PTPRT: variants seen among roughly 807,000 people sequenced by gnomAD.
PTPRT encodes the protein receptor-type tyrosine-protein phosphatase T.
Under a neutral mutation model 176.8 loss-of-function variants are expected in PTPRT, and 56 were observed. The ratio of observed to expected loss-of-function variants is 0.32; its 90% confidence interval spans 0.26 to 0.40. PTPRT has a LOEUF of 0.40. PTPRT is among the 10% of genes least tolerant of loss of function. The pLI is 1.00. For missense variants in PTPRT, 1,540 were observed against 1,908.2 expected, an observed-to-expected ratio of 0.81 and a Z score of 3.60; for synonymous variants, 783 against 739.0, an observed-to-expected ratio of 1.06 and a Z score of -0.96.
At chr20:42,326,074 C>T (rs1568776852) in intron 11 of PTPRT, among the ~76,000 whole-genome samples, 1 of 152,196 alleles carries the variant, frequency 6.6e-6, no homozygotes, top group East Asian at 1.9e-4. Context: ...CACTTTCCCT[C>T]TTAATTTTTA....
At chr20:42,967,005 G>A (rs1287896574) in intron 1 of PTPRT, among the ~76,000 whole-genome samples, 1 of 152,154 alleles carries the variant, frequency 6.6e-6, no homozygotes, top group Admixed American at 6.5e-5. Flanking sequence ...CATTTGGTCT[G>A]GTATTATCTA....
intron 1 of PTPRT, among the ~76,000 whole-genome samples, chr20:42,916,582 C>T (rs1224161279): frequency 6.6e-6 from 1 of 152,208 alleles, no homozygotes; most frequent in Non-Finnish European, 1.5e-5. Flanking sequence ...GTCCCACCAA[C>T]AGTGTAAAAG....
intron 15 of PTPRT, among the ~76,000 whole-genome samples, chr20:42,201,652 T>C (rs4425144): frequency 0.61 from 90,548 of 148,462 alleles, 27,874 homozygotes; most frequent in African/African-American, 0.72. Context: ...GAAAAGGAGG[T>C]ACCCTGAACA....
chr20:42,382,741 C>A (rs574772883), intron 9 of PTPRT, among the ~76,000 whole-genome samples: 4 of 152,234 alleles, frequency 2.6e-5, no homozygotes, highest in Admixed American at 2.6e-4. Context: ...GCTGTCATGG[C>A]ATGGAGAACC....
chr20:42,653,119 C>T (rs1236719820), intron 7 of PTPRT, among the ~76,000 whole-genome samples: 1 of 152,146 alleles, frequency 6.6e-6, no homozygotes, highest in African/African-American at 2.4e-5. Context: ...GGTTATTGAA[C>T]CATAGAGGCG....
chr20:42,113,414 G>C (rs1004753), intron 22 of PTPRT, among the ~76,000 whole-genome samples: 26,167 of 152,134 alleles, frequency 0.17, 3,669 homozygotes, highest in African/African-American at 0.36. Flanking sequence ...TTCCAGGCCT[G>C]AGCTGCAGGG....
intron 7 of PTPRT, among the ~76,000 whole-genome samples, chr20:42,564,448 C>T (rs2073005913): frequency 6.6e-6 from 1 of 152,110 alleles, no homozygotes; most frequent in Non-Finnish European, 1.5e-5. Context: ...AACAATACAA[C>T]AGTAAAATAC....
At chr20:42,713,835 T>C (rs1352947936) in intron 6 of PTPRT, among the ~76,000 whole-genome samples, 1 of 152,130 alleles carries the variant, frequency 6.6e-6, no homozygotes, top group Non-Finnish European at 1.5e-5. Flanking sequence ...CCCCTCTCTC[T>C]TCCTCCAGTT....
chr20:42,168,660 A>C (rs1030888408), intron 16 of PTPRT, among the ~76,000 whole-genome samples: 1 of 152,190 alleles, frequency 6.6e-6, no homozygotes, highest in African/African-American at 2.4e-5. Flanking sequence ...ATTCAACATA[A>C]TCTCTCAATT....
At position 42,577,154 on chromosome 20, in the gene PTPRT, A is replaced by C. The variant is rs182446977; in HGVS notation, c.1153+100712T>G. ...GAGGCAGTTAAAAATAAAAGTAGAT[A>C]GGTCAGGTTAATGTCAACAATCGCT... On this transcript the variant is annotated intron_variant, in intron 7 of 30. Coordinates refer to ENST00000373187, the MANE Select transcript of PTPRT (RefSeq NM_007050.6). Among the ~76,000 whole-genome samples the C allele has an allele frequency of 2.9e-3, 442 of 152,362 alleles. 1 individual carries two copies. Among genetic ancestry groups the C allele is most frequent in the African/African-American group, 9.7e-3 (403 of 41,598 alleles).
chr20:42,487,761 A>C (rs186805315), intron 7 of PTPRT, among the ~76,000 whole-genome samples: 2 of 152,324 alleles, frequency 1.3e-5, no homozygotes, highest in Non-Finnish European at 2.9e-5. Context: ...TCTGACCTCC[A>C]GAACAATAAA....
chr20:43,010,669 TG>T (rs1463601324), intron 1 of PTPRT, among the ~76,000 whole-genome samples: 2 of 151,940 alleles, frequency 1.3e-5, no homozygotes, highest in Non-Finnish European at 2.9e-5. Context: ...CATTGAACTT[TG>T]TTTTAAAATA....
chr20:42,298,852 G>A (rs1051630495), intron 12 of PTPRT, among the ~76,000 whole-genome samples: 2 of 151,984 alleles, frequency 1.3e-5, no homozygotes, highest in African/African-American at 4.8e-5. Flanking sequence ...ACCCAGGAGG[G>A]GGAGGTTGCA....
intron 1 of PTPRT, among the ~76,000 whole-genome samples, chr20:43,103,672 C>A (rs1001476301): frequency 6.6e-6 from 1 of 151,894 alleles, no homozygotes; most frequent in African/African-American, 2.4e-5. Flanking sequence ...CAGATATTAT[C>A]GTGGTTTGTG....
the PTPRT span, among the ~76,000 whole-genome samples, chr20:42,052,074 G>C: frequency 6.6e-6 from 1 of 152,216 alleles, no homozygotes; most frequent in Non-Finnish European, 1.5e-5. Flanking sequence ...GCTGACTGCA[G>C]TTTGCTTCCG....
chr20:42,806,453 C>T (rs1243243650), intron 2 of PTPRT, among the ~76,000 whole-genome samples: 3 of 146,860 alleles, frequency 2.0e-5, no homozygotes, highest in African/African-American at 7.6e-5. Flanking sequence ...CACTGTACTC[C>T]AGCCTGGCGA....
intron 1 of PTPRT, among the ~76,000 whole-genome samples, chr20:43,037,212 G>A (rs1050907870): frequency 4.6e-5 from 7 of 152,186 alleles, no homozygotes; most frequent in Non-Finnish European, 8.8e-5. Context: ...CATTTATGGC[G>A]TGTTATGAAA....
intron 6 of PTPRT, among the ~76,000 whole-genome samples, chr20:42,692,596 A>C (rs552168793): frequency 6.6e-6 from 1 of 152,332 alleles, no homozygotes; most frequent in Non-Finnish European, 1.5e-5. Flanking sequence ...AATCAATGGT[A>C]AAATACTACA....
chr20:42,928,745 T>C (rs1032001046), intron 1 of PTPRT, among the ~76,000 whole-genome samples: 4 of 152,158 alleles, frequency 2.6e-5, no homozygotes, highest in Non-Finnish European at 5.9e-5. Flanking sequence ...CACCCATCCC[T>C]ACCCACCTTC....
Sources: allele counts gnomAD v4.1 joint callset (sites outside exome capture counted in the v4.1 genomes callset), GRCh38; gene constraint gnomAD v4.1.1; transcripts MANE v1.5; gene names NCBI Gene and HGNC (gene_info 2026-07-23, HGNC 2026-07-21).